Variants in PDE1C observed in about 807,000 individuals in gnomAD.
PDE1C encodes the protein phosphodiesterase 1C.
Under a neutral mutation model 93.1 loss-of-function variants are expected in PDE1C, and 62 were observed. The observed-to-expected ratio is 0.67, with a 90% CI of 0.54 to 0.82. The LOEUF is 0.82. Among genes scored for constraint, PDE1C ranks in the 40% least tolerant of loss-of-function variants. The pLI, the probability that PDE1C is intolerant of heterozygous loss-of-function variation, is 0.00. For missense variants in PDE1C, 742 were observed against 884.6 expected (o/e 0.84, Z 2.04); for synonymous variants, 325 against 310.1 (o/e 1.05, Z -0.50).
chr7:32,004,263 A>C (rs570828936), intron 2 of PDE1C, among the ~76,000 whole-genome samples: 3 of 151,962 alleles, frequency 2.0e-5, no homozygotes, highest in South Asian at 2.1e-4. Context: ...TGAAAAAAAA[A>C]CCAATATAAC....
chr7:31,705,384 A>C, the PDE1C span, among the ~76,000 whole-genome samples: 4 of 152,196 alleles, frequency 2.6e-5, no homozygotes, highest in African/African-American at 9.6e-5. Context: ...GGCTCAGCAT[A>C]GCTAACTCTA....
chr7:31,974,856 A>G (rs1811440439), intron 2 of PDE1C, among the ~76,000 whole-genome samples: 1 of 152,230 alleles, frequency 6.6e-6, no homozygotes, highest in African/African-American at 2.4e-5. Context: ...AAAAATACAG[A>G]GGTATACAGT....
chr7:31,680,171 G>A, the PDE1C span, among the ~76,000 whole-genome samples: 1 of 152,194 alleles, frequency 6.6e-6, no homozygotes, highest in East Asian at 1.9e-4. Context: ...ATTAGTAACC[G>A]AATGAAAGCC....
intron 9 of PDE1C, among the ~76,000 whole-genome samples, chr7:31,841,681 C>A (rs995176114): frequency 6.6e-6 from 1 of 152,010 alleles, no homozygotes; most frequent in African/African-American, 2.4e-5. Context: ...TTTTTGAATG[C>A]TGAATTAATC....
chr7:31,923,276 C>T (rs556969329), intron 2 of PDE1C, among the ~76,000 whole-genome samples: 1 of 152,302 alleles, frequency 6.6e-6, no homozygotes, highest in South Asian at 2.1e-4. Context: ...TGATTTTCAA[C>T]CCCAGCTGCA....
intron 1 of PDE1C, among the ~76,000 whole-genome samples, chr7:32,290,999 T>C (rs1336943003): frequency 6.6e-6 from 1 of 152,140 alleles, no homozygotes; most frequent in Non-Finnish European, 1.5e-5. Flanking sequence ...TTATAATGGA[T>C]ATAAACTATA....
intron 1 of PDE1C, among the ~76,000 whole-genome samples, chr7:32,296,110 C>T (rs895688012): frequency 6.6e-6 from 1 of 152,100 alleles, no homozygotes; most frequent in East Asian, 1.9e-4. Flanking sequence ...AAACAATGTA[C>T]ATATTAGAAG....
chr7:32,371,005 A>C (rs1784322807), intron 1 of PDE1C, among the ~76,000 whole-genome samples: 2 of 151,966 alleles, frequency 1.3e-5, no homozygotes, highest in South Asian at 4.2e-4. Context: ...GAAGTCAAAA[A>C]AAAAAAAAAG....
chr7:31,709,717 C>T, the PDE1C span, among the ~76,000 whole-genome samples: 8 of 152,150 alleles, frequency 5.3e-5, no homozygotes, highest in Admixed American at 4.6e-4. Context: ...GGAAGCCAAA[C>T]CTCCCTCACT....
chr7:31,778,422 T>C (rs1330584289), intron 16 of PDE1C, among the ~76,000 whole-genome samples: 9 of 152,134 alleles, frequency 5.9e-5, no homozygotes, highest in Non-Finnish European at 1.0e-4. Flanking sequence ...GCAGTGACAC[T>C]GTGACATTTG....
intron 2 of PDE1C, among the ~76,000 whole-genome samples, chr7:31,965,882 A>G (rs1809858927): frequency 1.3e-5 from 2 of 152,198 alleles, no homozygotes; most frequent in Admixed American, 1.3e-4. Context: ...AAGGAGAAAT[A>G]AAATACTTTA....
In PDE1C at chr7:32,125,258, A is replaced by G. The variant is rs566339894; in HGVS notation, c.308+44527T>C. The stretch of plus-strand genomic sequence containing the variant: ...GCTATGGAGAAATAGGAACACTTTT[A>G]CACTGTTGGTGGGAATGTAAATTAG... On this transcript the variant is annotated intron_variant, in intron 3 of 18. Coordinates refer to the PDE1C transcript ENST00000396193. Among the ~76,000 whole-genome samples the G allele has an allele frequency of 2.0e-5, 3 of 152,376 alleles. No homozygotes were observed. In the South Asian group the frequency reaches 6.2e-4, roughly 32 times the overall value.
intron 16 of PDE1C, chr7:31,790,186 A>T: frequency 1.2e-6 from 2 of 1,606,804 alleles, no homozygotes; most frequent in East Asian, 4.5e-5. Context: ...GAGAATGAAG[A>T]AGCTCAGCTA....
chr7:32,172,673 T>C (rs1162887455), intron 2 of PDE1C, among the ~76,000 whole-genome samples: 3 of 151,754 alleles, frequency 2.0e-5, no homozygotes, highest in African/African-American at 7.3e-5. Flanking sequence ...AAATACAAAA[T>C]TAGCCGGGCA....
intron 1 of PDE1C, among the ~76,000 whole-genome samples, chr7:32,356,498 G>C (rs1239697974): frequency 6.6e-6 from 1 of 152,182 alleles, no homozygotes; most frequent in East Asian, 1.9e-4. Context: ...CCTTAACCCA[G>C]GTGTTTTGAA....
rs1384469448 is a variant in PDE1C at position 32,047,717 on chromosome 7, T to C, written c.128+3837A>G. Among the ~76,000 whole-genome samples the C allele has an allele frequency of 4.6e-5, 7 of 152,200 alleles. No individual in the cohort carries two copies. The East Asian group carries it at 1.4e-3, about 29-fold the overall frequency. ...TTACTTTGAAAGCTGTGGGTTTTTT[T>C]TTTCTTTAACAAGGTTTTGATAGGT... On this transcript the variant is annotated intron_variant, in intron 2 of 17. Coordinates refer to ENST00000396191, the MANE Select transcript of PDE1C (RefSeq NM_001191057.4).
chr7:32,281,640 A>G (rs551670532), intron 1 of PDE1C, among the ~76,000 whole-genome samples: 1 of 152,334 alleles, frequency 6.6e-6, no homozygotes, highest in South Asian at 2.1e-4. Flanking sequence ...AAAGGCAGCA[A>G]TGTGCTACTT....
intron 2 of PDE1C, among the ~76,000 whole-genome samples, chr7:32,002,896 G>A (rs145299199): frequency 2.5e-3 from 385 of 152,260 alleles, no homozygotes; most frequent in Non-Finnish European, 4.3e-3. Flanking sequence ...CTAACAGAGT[G>A]ATAACTACAA....
intron 9 of PDE1C, among the ~76,000 whole-genome samples, chr7:31,843,229 G>T (rs150927815): frequency 0.016 from 2,401 of 152,006 alleles, 26 homozygotes; most frequent in South Asian, 0.031. Flanking sequence ...GGCTGATGTT[G>T]TTCAAATCCT....
Sources: gnomAD v4.1 joint callset for allele counts (sites outside exome capture counted in the v4.1 genomes callset) on GRCh38, gnomAD v4.1.1 for gene constraint, MANE v1.5 for transcripts, NCBI Gene and HGNC (gene_info 2026-07-23, HGNC 2026-07-21) for gene names.